DRC8: variants seen among roughly 807,000 people sequenced by gnomAD.
DRC8 encodes dynein regulatory complex subunit 8.
At chr1:245,047,060 G>A in the DRC8 span, among the ~76,000 whole-genome samples, 1 of 152,180 alleles carries the variant, frequency 6.6e-6, no homozygotes, top group African/African-American at 2.4e-5. Context: ...GCAGCAGGGA[G>A]CCACTCGCAG....
chr1:244,980,876 A>G, the DRC8 span, among the ~76,000 whole-genome samples: 2 of 152,204 alleles, frequency 1.3e-5, no homozygotes. Flanking sequence ...TGTCCAGAAA[A>G]AATGGATACA....
chr1:245,039,425 T>C, the DRC8 span, among the ~76,000 whole-genome samples: 1,954 of 147,918 alleles, frequency 0.013, 49 homozygotes, highest in African/African-American at 0.047. Context: ...CAGTGAGCTA[T>C]GATGGCATCA....
chr1:245,121,217 A>G, the DRC8 span, among the ~76,000 whole-genome samples: 1 of 152,210 alleles, frequency 6.6e-6, no homozygotes, highest in East Asian at 1.9e-4. Context: ...ACGGAGGTGT[A>G]TTTGCAGTCT....
the DRC8 span, among the ~76,000 whole-genome samples, chr1:245,088,642 G>A: frequency 6.6e-6 from 1 of 152,258 alleles, no homozygotes; most frequent in Non-Finnish European, 1.5e-5. The surrounding 1 kb of genome is among the most constrained non-coding windows in gnomAD (Gnocchi z 4.6). Context: ...TCCCGTGCAA[G>A]TGCCGAAGAG....
At chr1:244,992,734 T>G in the DRC8 span, among the ~76,000 whole-genome samples, 2 of 152,162 alleles carry the variant, frequency 1.3e-5, no homozygotes, top group Non-Finnish European at 2.9e-5. Context: ...AGTGAGACTG[T>G]GTCTCAAAAA....
At chr1:245,053,363 A>G in the DRC8 span, among the ~76,000 whole-genome samples, 1 of 152,178 alleles carries the variant, frequency 6.6e-6, no homozygotes, top group Non-Finnish European at 1.5e-5. Context: ...CATTGTGCTC[A>G]TGAGCTGTCT....
At chr1:244,992,743 A>G in the DRC8 span, among the ~76,000 whole-genome samples, 2 of 152,214 alleles carry the variant, frequency 1.3e-5, no homozygotes, top group Non-Finnish European at 2.9e-5. Flanking sequence ...GTGTCTCAAA[A>G]AAAGCCCCCA....
chr1:245,064,610 G>A, the DRC8 span, among the ~76,000 whole-genome samples: 7 of 151,088 alleles, frequency 4.6e-5, no homozygotes, highest in Admixed American at 1.3e-4. Flanking sequence ...TGCCTTGGGG[G>A]TAAAATTTTT....
chr1:244,982,858 A>G, the DRC8 span, among the ~76,000 whole-genome samples: 15 of 151,400 alleles, frequency 9.9e-5, no homozygotes. Context: ...AGGTCAGGAG[A>G]TCGAGACCAG....
the DRC8 span, chr1:245,091,117 TGAG>T: frequency 2.0e-5 from 3 of 152,138 alleles, no homozygotes; most frequent in Non-Finnish European, 4.4e-5. Context: ...CAGCCAGAGA[TGAG>T]GATGAACCGC....
At chr1:244,985,440 G>A in the DRC8 span, among the ~76,000 whole-genome samples, 2 of 152,202 alleles carry the variant, frequency 1.3e-5, no homozygotes, top group East Asian at 1.9e-4. Flanking sequence ...TTCACATGCC[G>A]TAAGAGCTCT....
chr1:245,018,435 G>C, the DRC8 span, among the ~76,000 whole-genome samples: 1 of 152,116 alleles, frequency 6.6e-6, no homozygotes, highest in African/African-American at 2.4e-5. Context: ...ATACAGCTCC[G>C]GTGGCTGTGG....
At chr1:245,111,150 C>T in the DRC8 span, among the ~76,000 whole-genome samples, 2 of 152,062 alleles carry the variant, frequency 1.3e-5, no homozygotes, top group African/African-American at 4.8e-5. Context: ...TACTTTTTGG[C>T]AATAGGGGAT....
chr1:245,046,935 A>G, the DRC8 span, among the ~76,000 whole-genome samples: 1 of 152,186 alleles, frequency 6.6e-6, no homozygotes. Flanking sequence ...AGCTGAGGTC[A>G]GTGTGATCCT....
the DRC8 span, among the ~76,000 whole-genome samples, chr1:244,978,441 T>C: frequency 1.3e-3 from 185 of 147,674 alleles, no homozygotes; most frequent in African/African-American, 4.4e-3. Flanking sequence ...TGTGATGAGC[T>C]GAGAGCACCA....
the DRC8 span, chr1:244,969,976 A>G: frequency 3.8e-6 from 2 of 519,546 alleles, no homozygotes; most frequent in Non-Finnish European, 6.7e-6. Flanking sequence ...GCGCTTTTCA[A>G]AATCTGCAGT....
chr1:244,969,913 G>A, the DRC8 span: 18 of 437,608 alleles, frequency 4.1e-5, no homozygotes. Flanking sequence ...AGGCCGGGCC[G>A]CGGGCTGGTT....
At chr1:244,995,740 T>G in the DRC8 span, among the ~76,000 whole-genome samples, 2 of 152,208 alleles carry the variant, frequency 1.3e-5, no homozygotes, top group Non-Finnish European at 2.9e-5. Flanking sequence ...TTACCCAGTT[T>G]ATTTTCTACT....
the DRC8 span, among the ~76,000 whole-genome samples, chr1:244,997,333 T>G: frequency 6.6e-6 from 1 of 152,128 alleles, no homozygotes; most frequent in Non-Finnish European, 1.5e-5. Context: ...ACCCCTCTCA[T>G]CTCTGTCTTA....
Sources: gnomAD v4.1 joint callset for allele counts (sites outside exome capture counted in the v4.1 genomes callset) on GRCh38, gnomAD v4.1.1 for gene constraint, Gnocchi (gnomAD v3.1) non-coding constraint, MANE v1.5 for transcripts, NCBI Gene and HGNC (gene_info 2026-07-23, HGNC 2026-07-21) for gene names.